Variants in SLC37A3 observed in about 807,000 individuals in gnomAD.
SLC37A3 encodes solute carrier family 37 member 3.
SLC37A3 carries 51 observed loss-of-function variants against 67.1 expected under a neutral mutation model. The ratio of observed to expected loss-of-function variants is 0.76; its 90% CI spans 0.61 to 0.96. The LOEUF is 0.96. Ranked by LOEUF, SLC37A3 falls within the 40% of genes least tolerant of loss-of-function variation. The pLI, the probability that SLC37A3 is intolerant of heterozygous loss-of-function variation, is 0.00. For missense variants in SLC37A3, 508 were observed against 603.0 expected, an observed-to-expected ratio of 0.84 and a Z score of 1.65; for synonymous variants, 214 against 231.4, an observed-to-expected ratio of 0.92 and a Z score of 0.68.
chr7:140,355,518 G>T, intron 7 of SLC37A3, 150 bp downstream of exon 7: 1 of 713,878 alleles, frequency 1.4e-6, no homozygotes, highest in Non-Finnish European at 2.2e-6. Flanking sequence ...CCGGCCAGAA[G>T]TTTGTCTACT....
intron 12 of SLC37A3, among the ~76,000 whole-genome samples, chr7:140,344,594 A>G (rs1390077071): frequency 6.6e-6 from 1 of 152,118 alleles, no homozygotes; most frequent in East Asian, 1.9e-4. Flanking sequence ...TGTCTCTACT[A>G]AAAATACAAA....
chr7:140,354,059 C>T (rs1796924765), intron 7 of SLC37A3, among the ~76,000 whole-genome samples: 1 of 152,230 alleles, frequency 6.6e-6, no homozygotes. Flanking sequence ...TCAGTTCATA[C>T]AGAGCTTCCT....
At chr7:140,384,555 T>TAA (rs202061188) in intron 1 of SLC37A3, among the ~76,000 whole-genome samples, 2 of 141,410 alleles carry the variant, frequency 1.4e-5, no homozygotes, top group South Asian at 4.4e-4. Flanking sequence ...CTACAAAAAC[T>TAA]AAAAAAAAAA....
At chr7:140,351,827 C>A (rs757764472) in intron 8 of SLC37A3, 5 of 616,098 alleles carry the variant, frequency 8.1e-6, no homozygotes, top group African/African-American at 3.7e-5. Flanking sequence ...TTTGCAAATG[C>A]GAAGATTTTC....
chr7:140,368,334 G>A (rs554141390), intron 4 of SLC37A3, among the ~76,000 whole-genome samples: 27 of 152,030 alleles, frequency 1.8e-4, no homozygotes, highest in Non-Finnish European at 3.2e-4. Context: ...GGGAGGCCGA[G>A]GCAAGCGGAT....
At chr7:140,351,759 G>A in intron 8 of SLC37A3, 1 of 559,266 alleles carries the variant, frequency 1.8e-6, no homozygotes, top group East Asian at 3.0e-5. Flanking sequence ...GTTTCAAGAA[G>A]TGAAATCAGA....
intron 1 of SLC37A3, among the ~76,000 whole-genome samples, chr7:140,387,773 A>G (rs1798539900): frequency 1.5e-5 from 1 of 68,460 alleles, no homozygotes; most frequent in Non-Finnish European, 2.6e-5. Context: ...TATATATATT[A>G]TACATAAATA....
chr7:140,365,214 A>G (rs1265174112), intron 4 of SLC37A3, among the ~76,000 whole-genome samples: 1 of 152,214 alleles, frequency 6.6e-6, no homozygotes, highest in Non-Finnish European at 1.5e-5. Flanking sequence ...AGCGCAGCAC[A>G]CTTTAGGTTT....
intron 1 of SLC37A3, among the ~76,000 whole-genome samples, chr7:140,383,613 G>C (rs1798340042): frequency 6.6e-6 from 1 of 152,054 alleles, no homozygotes; most frequent in Non-Finnish European, 1.5e-5. Flanking sequence ...GAAAAAATTT[G>C]TGTCAAAGAA....
Position 140,369,687 on chromosome 7 carries a change from A to G in SLC37A3, c.199-5T>C. The stretch of plus-strand genomic sequence containing the variant: ...CAAATGGTTGCTGCTCCAGATCTAC[A>G]GTAAGACAGCAGGAACAGGTCAGTC... On this transcript the variant is annotated splice_region_variant and splice_polypyrimidine_tract_variant and intron_variant, in intron 3 of 14. Coordinates refer to ENST00000326232, the MANE Select transcript of SLC37A3 (RefSeq NM_207113.3). The G allele has an allele frequency of 1.2e-6, 2 of 1,613,410 alleles. No individual in the cohort carries two copies. The highest frequency in any genetic ancestry group is 1.7e-6 in the Non-Finnish European group (2 of 1,179,620).
chr7:140,356,958 G>C (rs1797054619), intron 6 of SLC37A3, among the ~76,000 whole-genome samples: 1 of 151,940 alleles, frequency 6.6e-6, no homozygotes, highest in Admixed American at 6.6e-5. Context: ...TACGCCTATA[G>C]TCCCAGCACT....
chr7:140,365,042 G>A (rs1349954413), intron 4 of SLC37A3, among the ~76,000 whole-genome samples: 1 of 152,164 alleles, frequency 6.6e-6, no homozygotes, highest in Non-Finnish European at 1.5e-5. Flanking sequence ...CTAGCTGCCT[G>A]TTGAATCTGA....
chr7:140,365,423 T>TA lies in SLC37A3; in HGVS notation c.292-933dup, dbSNP rs571885025. On this transcript the variant is annotated intron_variant, in intron 4 of 14. Transcript: ENST00000326232. ...GGCCAACATAGCAAGAACCCATCTC[T>TA]AAAAAAAAAAAAATTGGCCGAGTGC... Among the ~76,000 whole-genome samples the TA allele has an allele frequency of 1.7e-3, 245 of 143,476 alleles. 1 individual carries two copies. The highest frequency in any genetic ancestry group is 2.2e-3 in the Admixed American group (31 of 14,224). 94.1% of individuals were successfully genotyped at this position (143,476 alleles called of 152,430 possible). A position where few individuals can be genotyped will look rare whatever the true frequency, so the allele number is the denominator to read the frequency against.
intron 11 of SLC37A3, 100 bp from the exon 12 acceptor site, chr7:140,345,363 A>T: frequency 1.2e-6 from 1 of 843,586 alleles, no homozygotes; most frequent in Non-Finnish European, 2.0e-6. Context: ...TGACCTCACA[A>T]ATCACTCCCA....
rs1436421520 is a variant in SLC37A3 at position 140,362,813 on chromosome 7, C to G, written c.375+1595G>C. On this transcript the variant is annotated intron_variant, in intron 5 of 14. Transcript: ENST00000326232. ...CCCCGCCTGGCCAGCCGCCCCGTCC[C>G]GGAGGTGAGGGGCGCCTCTGCCCGG... 1.4e-3 allele frequency among the ~76,000 whole-genome samples: 76 copies of G among 54,022 alleles called. 1 individual carries two copies. Among genetic ancestry groups the G allele is most frequent in the Non-Finnish European group, 1.8e-3 (47 of 25,468 alleles). 35.4% of individuals were successfully genotyped at this position (54,022 alleles called of 152,430 possible). A position where few individuals can be genotyped will look rare whatever the true frequency, so the allele number is the denominator to read the frequency against.
chr7:140,397,879 T>C (rs1249313472), intron 1 of SLC37A3, among the ~76,000 whole-genome samples: 2 of 152,138 alleles, frequency 1.3e-5, no homozygotes, highest in Non-Finnish European at 2.9e-5. Context: ...GAACACACCC[T>C]GCGAAGAATA....
intron 6 of SLC37A3, among the ~76,000 whole-genome samples, chr7:140,357,910 CAAA>C (rs34778426): frequency 5.3e-5 from 7 of 132,424 alleles, no homozygotes; most frequent in Non-Finnish European, 8.0e-5. Context: ...AACTCCATCT[CAAA>C]AAAAAAAAAA....
At chr7:140,370,567 C>G (rs1797780846) in intron 3 of SLC37A3, 1 of 111,106 alleles carries the variant, frequency 9.0e-6, no homozygotes, top group Non-Finnish European at 1.8e-5. Flanking sequence ...TTTTACAATA[C>G]TCTTCAAAAA....
At chr7:140,362,421 G>A (rs1367195494) in intron 5 of SLC37A3, among the ~76,000 whole-genome samples, 2 of 37,352 alleles carry the variant, frequency 5.4e-5, no homozygotes, top group African/African-American at 2.1e-4. Flanking sequence ...AGGGAGGTGG[G>A]GGGGGGGGTC....
Sources: allele counts gnomAD v4.1 joint callset (sites outside exome capture counted in the v4.1 genomes callset), GRCh38; gene constraint gnomAD v4.1.1; transcripts MANE v1.5; gene names NCBI Gene and HGNC (gene_info 2026-07-23, HGNC 2026-07-21).